Variants in ZNF675 observed in about 807,000 individuals in gnomAD.
ZNF675 encodes the protein zinc finger protein 675.
Under a neutral mutation model 56.1 loss-of-function variants are expected in ZNF675, and 36 were observed. The observed-to-expected ratio is 0.64, with a 90% CI of 0.49 to 0.85. The LOEUF is 0.85. Ranked by LOEUF, ZNF675 falls within the 40% of genes least tolerant of loss-of-function variation. The pLI is 0.00. For synonymous variants in ZNF675, 200 were observed against 218.9 expected, an observed-to-expected ratio of 0.91 and a Z score of 0.76; for missense variants, 663 against 654.2, an observed-to-expected ratio of 1.01 and a Z score of -0.15.
intron 3 of ZNF675, among the ~76,000 whole-genome samples, chr19:23,657,823 A>C (rs1288563669): frequency 6.6e-6 from 1 of 152,178 alleles, no homozygotes; most frequent in Non-Finnish European, 1.5e-5. Context: ...CATAACCAAA[A>C]TTGGGGTCAT....
intron 1 of ZNF675, among the ~76,000 whole-genome samples, chr19:23,670,563 G>C (rs1968215816): frequency 6.6e-6 from 1 of 152,058 alleles, no homozygotes; most frequent in Non-Finnish European, 1.5e-5. Context: ...GTGCTTCTGA[G>C]GCTAAAACTC....
At chr19:23,657,462 A>C (rs1337259494) in intron 3 of ZNF675, among the ~76,000 whole-genome samples, 1 of 152,184 alleles carries the variant, frequency 6.6e-6, no homozygotes, top group Non-Finnish European at 1.5e-5. Flanking sequence ...ACCCCTTGTA[A>C]TCCCAGTACT....
chr19:23,675,472 C>G (rs989523322), intron 1 of ZNF675, among the ~76,000 whole-genome samples: 9 of 151,722 alleles, frequency 5.9e-5, no homozygotes, highest in Non-Finnish European at 1.0e-4. Flanking sequence ...CAATCCTGAG[C>G]AAATTCAAAA....
At position 23,654,623 on chromosome 19, in the gene ZNF675, C is replaced by T. The variant is rs756216294; in HGVS notation, c.310G>A (p.Glu104Lys). The T allele has an allele frequency of 4.4e-6, 7 of 1,608,982 alleles. No individual in the cohort carries two copies. In the African/African-American group the frequency reaches 8.0e-5, roughly 18 times the overall value. ...SFEKVTLRRY[E>K]KCGNDNFQLK... ...TGAAAATTATCATTTCCACATTTTT[C>T]ATATCTTCTCAGTGTCACTTTTTCA... Residue 104 changes from glutamate to lysine, a missense_variant, in exon 4 of 4, where the codon GAA becomes AAA. Transcript: ENST00000359788.
intron 3 of ZNF675, chr19:23,655,707 C>A (rs897041118): frequency 6.6e-6 from 1 of 152,068 alleles, no homozygotes; most frequent in African/African-American, 2.4e-5. Context: ...ATATCACAGA[C>A]CAAATAGGCT....
chr19:23,675,359 T>C (rs944822350), intron 1 of ZNF675, among the ~76,000 whole-genome samples: 5 of 151,564 alleles, frequency 3.3e-5, no homozygotes, highest in African/African-American at 1.2e-4. Context: ...CAAATAGTAA[T>C]AAAATATCTA....
intron 1 of ZNF675, among the ~76,000 whole-genome samples, chr19:23,685,291 G>A (rs544679149): frequency 3.3e-5 from 5 of 152,240 alleles, no homozygotes; most frequent in Admixed American, 2.6e-4. Context: ...GAAGAGCGCA[G>A]GGGAGAGTCC....
intron 3 of ZNF675, among the ~76,000 whole-genome samples, chr19:23,658,964 G>GATATAGATCT (rs1282498511): frequency 0.1 from 882 of 8,776 alleles, 24 homozygotes; most frequent in Middle Eastern, 0.33. Context: ...GAGATCTATA[G>GATATAGATCT]ATAGATATAG....
chr19:23,669,721 C>T (rs1343140564), intron 1 of ZNF675, among the ~76,000 whole-genome samples: 1 of 151,984 alleles, frequency 6.6e-6, no homozygotes, highest in Non-Finnish European at 1.5e-5. Context: ...TGCATTGTGG[C>T]ACGCACCTGT....
At chr19:23,667,821 T>C (rs1366765736) in intron 1 of ZNF675, among the ~76,000 whole-genome samples, 1 of 149,076 alleles carries the variant, frequency 6.7e-6, no homozygotes, top group African/African-American at 2.5e-5. Context: ...CCAGAGCAGC[T>C]AGATACAGTG....
chr19:23,679,997 C>CA (rs1260023225), intron 1 of ZNF675, among the ~76,000 whole-genome samples: 27 of 146,804 alleles, frequency 1.8e-4, no homozygotes, highest in South Asian at 4.3e-4. Flanking sequence ...TACCCCCCCC[C>CA]AAAAAAAAAC....
intron 1 of ZNF675, among the ~76,000 whole-genome samples, chr19:23,673,502 C>G (rs549334796): frequency 6.6e-6 from 1 of 152,232 alleles, no homozygotes; most frequent in African/African-American, 2.4e-5. Context: ...AGAGACAATT[C>G]TGCCTGCATA....
At chr19:23,679,187 A>AG (rs1366192027) in intron 1 of ZNF675, among the ~76,000 whole-genome samples, 2 of 136,382 alleles carry the variant, frequency 1.5e-5, no homozygotes, top group East Asian at 2.0e-4. Context: ...AAAAAAAGAG[A>AG]ACAAAAATTA....
At chr19:23,654,883 TTC>T in intron 3 of ZNF675, 177 bp from the exon 4 acceptor site, 2 of 388,634 alleles carry the variant, frequency 5.1e-6, no homozygotes, top group Non-Finnish European at 8.9e-6. Context: ...AAAAAAAAAA[TTC>T]TGTCACATTT....
chr19:23,663,416 G>A (rs1429049666), intron 1 of ZNF675, among the ~76,000 whole-genome samples: 1 of 152,170 alleles, frequency 6.6e-6, no homozygotes, highest in African/African-American at 2.4e-5. Flanking sequence ...AATAGGTCAG[G>A]CACAGTGGCT....
intron 1 of ZNF675, 75 bp from the exon 2 acceptor site, chr19:23,663,233 G>A: frequency 3.9e-6 from 6 of 1,520,910 alleles, no homozygotes; most frequent in Non-Finnish European, 3.6e-6. Flanking sequence ...GGTAAAATGA[G>A]AGACTAAAGA....
chr19:23,678,145 G>A (rs7247642), intron 1 of ZNF675, among the ~76,000 whole-genome samples: 147,242 of 151,694 alleles, frequency 0.97, 71,761 homozygotes, highest in Middle Eastern at 1. Context: ...CAGAGATGAC[G>A]CAAACAAATG....
At chr19:23,663,762 T>C (rs1244882000) in intron 1 of ZNF675, among the ~76,000 whole-genome samples, 2 of 152,316 alleles carry the variant, frequency 1.3e-5, no homozygotes, top group East Asian at 3.9e-4. Flanking sequence ...ACGTAGCTTT[T>C]TGAGTGCTTC....
intron 3 of ZNF675, chr19:23,656,458 G>A (rs1415354616): frequency 2.0e-5 from 3 of 152,150 alleles, no homozygotes; most frequent in African/African-American, 7.2e-5. Flanking sequence ...TTAGCTGGGT[G>A]TGGTGGCATG....
Sources: allele counts gnomAD v4.1 joint callset (sites outside exome capture counted in the v4.1 genomes callset), GRCh38; gene constraint gnomAD v4.1.1; transcripts MANE v1.5; gene names NCBI Gene and HGNC (gene_info 2026-07-23, HGNC 2026-07-21).